UGP2: variants seen among roughly 807,000 people sequenced by gnomAD.
UGP2 encodes UDP-glucose pyrophosphorylase 2, also known as UTP--glucose-1-phosphate uridylyltransferase.
UGP2 carries 40 observed loss-of-function variants against 49.0 expected under a neutral mutation model. The ratio of observed to expected loss-of-function variants is 0.82; its 90% CI spans 0.63 to 1.06. The LOEUF is 1.06. Among genes scored for constraint, UGP2 ranks in the 50% least tolerant of loss-of-function variants. The probability of loss-of-function intolerance (pLI) is 0.00; values close to 1 mark genes in which losing one functional copy is unlikely to be tolerated. For missense variants in UGP2, 460 were observed against 603.5 expected, an observed-to-expected ratio of 0.76 and a Z score of 2.49; for synonymous variants, 225 against 213.0, an observed-to-expected ratio of 1.06 and a Z score of -0.49.
intron 3 of UGP2, among the ~76,000 whole-genome samples, chr2:63,875,689 C>T (rs1372656728): frequency 6.6e-6 from 1 of 152,174 alleles, no homozygotes; most frequent in Non-Finnish European, 1.5e-5. Flanking sequence ...AGCTATTTGG[C>T]CAATTCTTTT....
At chr2:63,877,482 C>G (rs1325410122) in intron 3 of UGP2, among the ~76,000 whole-genome samples, 1 of 152,178 alleles carries the variant, frequency 6.6e-6, no homozygotes, top group Admixed American at 6.5e-5. Context: ...ATTTATATTA[C>G]CTTATTTTGT....
intron 3 of UGP2, among the ~76,000 whole-genome samples, chr2:63,874,359 C>T (rs1337685144): frequency 5.3e-5 from 8 of 152,192 alleles, no homozygotes; most frequent in Admixed American, 2.6e-4. Context: ...TGCAATAACA[C>T]AGGTCATGAG....
Position 63,842,531 on chromosome 2 carries a change from G to T in UGP2, c.19+327G>T, listed in dbSNP as rs778627515. On this transcript the variant is annotated intron_variant, in intron 1 of 9. Transcript: ENST00000337130. ...AATCCTTGTTCTCTTTTCCTGGTCT[G>T]TGTCAAGGTACCTGTGCGTGCACGC... is the stretch of plus-strand genomic sequence containing the variant. 85 of 1,531,574 alleles carry T rather than the reference G, an allele frequency of 5.5e-5. No individual in the cohort carries two copies. The Middle Eastern group carries it at 8.3e-4, about 15-fold the overall frequency. 94.9% of individuals were successfully genotyped at this position (1,531,574 alleles called of 1,614,324 possible).
intron 3 of UGP2, among the ~76,000 whole-genome samples, chr2:63,860,094 C>G (rs1312320666): frequency 6.6e-6 from 1 of 151,968 alleles, no homozygotes; most frequent in Non-Finnish European, 1.5e-5. Flanking sequence ...ATCAATTTTC[C>G]TTTCAAAATG....
chr2:63,890,015 A>G lies in UGP2; in HGVS notation c.1315-66A>G, dbSNP rs1331638808. The stretch of plus-strand genomic sequence containing the variant: ...TACAGTTCAGTTAAACTTTCTTGTT[A>G]ATATTTTTCCTGTCTTTCTTTGAAC... On this transcript the variant is annotated intron_variant, in intron 8 of 9. Coordinates refer to ENST00000337130, the MANE Select transcript of UGP2 (RefSeq NM_006759.4). 2.4e-6 allele frequency: 3 copies of G among 1,246,622 alleles called. No homozygotes were observed. The African/African-American group carries it at 4.6e-5, about 19-fold the overall frequency. 77.2% of individuals were successfully genotyped at this position (1,246,622 alleles called of 1,614,324 possible).
In UGP2 at chr2:63,875,293, GA is replaced by G. The variant is rs532887100; in HGVS notation, c.256-7165del. On this transcript the variant is annotated intron_variant, in intron 3 of 9. Transcript: ENST00000337130. ...TCCTTCAGGCAAACTTGCTTTTGTT[GA>G]AAAAAAATTCTTTCAGATTGCAATA... 2.4e-4 allele frequency among the ~76,000 whole-genome samples: 37 copies of G among 151,956 alleles called. 1 individual carries two copies. Among genetic ancestry groups the G allele is most frequent in the Admixed American group, 1.7e-3 (26 of 15,260 alleles).
chr2:63,855,820 C>T, intron 1 of UGP2: 1 of 250,782 alleles, frequency 4.0e-6, no homozygotes, highest in South Asian at 3.6e-5. Flanking sequence ...GGATTGCAGG[C>T]ATGAGCTGCC....
intron 3 of UGP2, among the ~76,000 whole-genome samples, chr2:63,867,842 G>A (rs936887322): frequency 3.3e-5 from 5 of 152,012 alleles, no homozygotes; most frequent in African/African-American, 1.2e-4. Context: ...AGTTTTCATT[G>A]TATTAAATAA....
rs145995487 is a variant in UGP2 at position 63,883,849 on chromosome 2, G to A, written c.442-111G>A. On this transcript the variant is annotated intron_variant, in intron 4 of 9. Transcript: ENST00000337130. ...TTGTCAAATCTGTATATTTGGCTAC[G>A]TACAGATGATGTTTTAGATATTTTA... 1.8e-4 allele frequency: 246 copies of A among 1,363,188 alleles called. No homozygotes were observed. The African/African-American group carries it at 3.0e-3, about 17-fold the overall frequency. 84.4% of individuals were successfully genotyped at this position (1,363,188 alleles called of 1,614,324 possible).
intron 3 of UGP2, among the ~76,000 whole-genome samples, chr2:63,870,319 A>G (rs553028086): frequency 1.3e-5 from 2 of 152,326 alleles, no homozygotes; most frequent in East Asian, 3.9e-4. Context: ...CTTATAATTT[A>G]TAAGTGGTAG....
chr2:63,874,630 A>G (rs1670785216), intron 3 of UGP2, among the ~76,000 whole-genome samples: 1 of 152,166 alleles, frequency 6.6e-6, no homozygotes, highest in Non-Finnish European at 1.5e-5. Context: ...GATAAGAAGT[A>G]CTGATGTTAT....
chr2:63,887,307 G>C, intron 7 of UGP2, 95 bp from the exon 8 acceptor site: 1 of 1,484,836 alleles, frequency 6.7e-7, no homozygotes, highest in African/African-American at 1.4e-5. Flanking sequence ...ATGGATCTCT[G>C]AAATCACTTC....
At position 63,891,289 on chromosome 2, in the gene UGP2, G is replaced by A; in HGVS notation, c.*62G>A. The A allele has an allele frequency of 1.4e-6, 2 of 1,437,200 alleles. No homozygotes were observed. Among genetic ancestry groups the A allele is most frequent in the Non-Finnish European group, 1.9e-6 (2 of 1,029,644 alleles). The allele number at this position is 1,437,200 out of a possible 1,614,324, so 89.0% of individuals were successfully genotyped here. ...GTTTCTTACAATGAAATGTTCTCTA[G>A]GATTCTAAAATAGGCAGGTACTTTA... On this transcript the variant is annotated 3_prime_UTR_variant, in exon 10 of 10. Coordinates refer to ENST00000337130, the MANE Select transcript of UGP2 (RefSeq NM_006759.4).
At chr2:63,866,209 A>G (rs1389367885) in intron 3 of UGP2, among the ~76,000 whole-genome samples, 2 of 152,214 alleles carry the variant, frequency 1.3e-5, no homozygotes, top group Non-Finnish European at 2.9e-5. Context: ...AATGTATATT[A>G]TTGATGTGGT....
At chr2:63,860,762 ATTTTTTTTTTTT>A (rs556819048) in intron 3 of UGP2, among the ~76,000 whole-genome samples, 1 of 123,702 alleles carries the variant, frequency 8.1e-6, no homozygotes, top group Non-Finnish European at 1.7e-5. Context: ...GGCCCAGCTA[ATTTTTTTTTTTT>A]TTTTTTTTTT....
At chr2:63,856,547 G>A (rs1669443883) in intron 2 of UGP2, 114 bp downstream of exon 2, 9 of 1,273,778 alleles carry the variant, frequency 7.1e-6, no homozygotes, top group South Asian at 3.0e-5. Context: ...CAAGATGTAC[G>A]ATAACATCAA....
intron 4 of UGP2, 94 bp downstream of exon 4, chr2:63,882,745 G>C: frequency 1.5e-6 from 2 of 1,320,660 alleles, no homozygotes; most frequent in South Asian, 4.3e-5. Flanking sequence ...ATGTGAATTT[G>C]AGCTAACCAA....
chr2:63,872,029 T>C (rs888407793), intron 3 of UGP2, among the ~76,000 whole-genome samples: 3 of 152,248 alleles, frequency 2.0e-5, no homozygotes, highest in African/African-American at 7.2e-5. Flanking sequence ...GTAGACTATA[T>C]GTAAACGAAT....
At chr2:63,847,862 G>A (rs1203395166) in intron 1 of UGP2, among the ~76,000 whole-genome samples, 5 of 152,194 alleles carry the variant, frequency 3.3e-5, no homozygotes, top group African/African-American at 9.7e-5. Context: ...GGGCGTATAC[G>A]TGCAAGTCAC....
Sources: gnomAD v4.1 joint callset for allele counts (sites outside exome capture counted in the v4.1 genomes callset) on GRCh38, gnomAD v4.1.1 for gene constraint, MANE v1.5 for transcripts, NCBI Gene and HGNC (gene_info 2026-07-23, HGNC 2026-07-21) for gene names.